Variants in AK4 observed in about 807,000 individuals in gnomAD.
The protein encoded by AK4 is adenylate kinase 4.
A neutral mutation model predicts 24.6 loss-of-function variants in AK4; 13 were observed. The ratio of observed to expected loss-of-function variants is 0.53; its 90% CI spans 0.34 to 0.84. The LOEUF is 0.84. Ranked by LOEUF, AK4 falls within the 40% of genes least tolerant of loss-of-function variation. AK4 has a pLI of 0.01. For synonymous variants in AK4, 88 were observed against 107.0 expected (o/e 0.82, Z 1.10); for missense variants, 192 against 288.2 (o/e 0.67, Z 2.42).
chr1:65,148,433 T>A lies in AK4; in HGVS notation c.26T>A (p.Val9Asp). 1 of 1,557,602 alleles carries A rather than the reference T, an allele frequency of 6.4e-7. No homozygotes were observed. Among genetic ancestry groups the A allele is most frequent in the Non-Finnish European group, 8.7e-7 (1 of 1,152,076 alleles). MASKLLRA[V>D]ILGPPGSGKG... Reference sequence around the variant, plus strand: ...ATGGCTTCCAAACTCCTGCGCGCGGTCATCCTCGGGCCGCCCGGCTCGGGC... The same window carrying A: ...ATGGCTTCCAAACTCCTGCGCGCGGACATCCTCGGGCCGCCCGGCTCGGGC... The change falls in exon 1 of 5, where the codon GTC becomes GAC. Residue 9 changes from valine (V) to aspartate (D), a missense_variant. By Grantham distance (152) the Val-to-Asp change is radical. Transcript: ENST00000327299.
At chr1:65,158,548 C>T (rs6656092) in intron 1 of AK4, among the ~76,000 whole-genome samples, 75,476 of 152,060 alleles carry the variant, frequency 0.5, 22,373 homozygotes, top group African/African-American at 0.83. Context: ...TTGCCCAGGC[C>T]GAAGTGCAGT....
intron 2 of AK4, among the ~76,000 whole-genome samples, chr1:65,216,242 C>T (rs974093809): frequency 1.3e-5 from 2 of 151,896 alleles, no homozygotes; most frequent in African/African-American, 4.8e-5. Flanking sequence ...AAGCAATTCT[C>T]GTACCTCAGC....
At chr1:65,167,526 C>A (rs1650371857) in intron 1 of AK4, among the ~76,000 whole-genome samples, 1 of 149,446 alleles carries the variant, frequency 6.7e-6, no homozygotes, top group Non-Finnish European at 1.5e-5. Context: ...GATCAAGGAT[C>A]TAGCTTGGAG....
intron 1 of AK4, among the ~76,000 whole-genome samples, chr1:65,155,185 T>C (rs746194539): frequency 8.5e-5 from 13 of 152,252 alleles, no homozygotes; most frequent in Admixed American, 4.6e-4. Context: ...CTTACAAATA[T>C]TCACTCAAGT....
At chr1:65,160,215 A>G (rs2100991425) in intron 1 of AK4, among the ~76,000 whole-genome samples, 1 of 152,294 alleles carries the variant, frequency 6.6e-6, no homozygotes, top group South Asian at 2.1e-4. Flanking sequence ...TGTGGCTATA[A>G]CAAAATACCT....
chr1:65,152,028 A>G (rs1464815068), intron 1 of AK4, among the ~76,000 whole-genome samples: 1 of 150,524 alleles, frequency 6.6e-6, no homozygotes, highest in Non-Finnish European at 1.5e-5. Flanking sequence ...ATGCACATGT[A>G]TGTATGAGTA....
intron 1 of AK4, among the ~76,000 whole-genome samples, chr1:65,180,716 CAA>C (rs1246831363): frequency 6.6e-6 from 1 of 152,198 alleles, no homozygotes; most frequent in Non-Finnish European, 1.5e-5. Context: ...AATATTCTTA[CAA>C]GTGGGGAGAT....
chr1:65,223,144 T>C (rs541488588), intron 3 of AK4, among the ~76,000 whole-genome samples: 231 of 152,090 alleles, frequency 1.5e-3, no homozygotes, highest in Non-Finnish European at 3.1e-3. Flanking sequence ...TCCTTAATTT[T>C]AGTGGTTAAG....
At chr1:65,171,878 G>T (rs1329753696) in intron 1 of AK4, among the ~76,000 whole-genome samples, 1 of 151,226 alleles carries the variant, frequency 6.6e-6, no homozygotes, top group Non-Finnish European at 1.5e-5. Context: ...GACCAGCCTG[G>T]CCAGTATGGT....
At chr1:65,189,676 C>G (rs1651228647) in intron 1 of AK4, among the ~76,000 whole-genome samples, 1 of 82,342 alleles carries the variant, frequency 1.2e-5, no homozygotes, top group African/African-American at 5.1e-5. Context: ...CACACACACA[C>G]ACCCCACACA....
At chr1:65,166,685 C>T (rs1039578758) in intron 1 of AK4, among the ~76,000 whole-genome samples, 2 of 152,106 alleles carry the variant, frequency 1.3e-5, no homozygotes, top group Non-Finnish European at 2.9e-5. Context: ...ACCACACCAC[C>T]AATTTTAAAG....
At chr1:65,184,315 G>A (rs1651015042) in intron 1 of AK4, among the ~76,000 whole-genome samples, 1 of 152,084 alleles carries the variant, frequency 6.6e-6, no homozygotes, top group Non-Finnish European at 1.5e-5. Context: ...TATATATAAT[G>A]TTTGGAATCT....
chr1:65,190,761 A>G lies in AK4; in HGVS notation c.197A>G (p.Asp66Gly). 5 of 1,614,136 alleles carry G rather than the reference A, an allele frequency of 3.1e-6. No individual in the cohort carries two copies. Among genetic ancestry groups the G allele is most frequent in the Non-Finnish European group, 4.2e-6 (5 of 1,180,014 alleles). Residue 66 changes from aspartate to glycine, a missense_variant, in exon 2 of 5, where the codon GAC becomes GGC. Coordinates refer to ENST00000327299, the MANE Select transcript of AK4 (RefSeq NM_013410.4). ...ATAGAGAAAAGTCTTTTGGTTCCAG[A>G]CCATGTGATCACACGCCTAATGATG... ...QYIEKSLLVP[D>G]HVITRLMMSE...
At chr1:65,223,399 G>C (rs937532245) in intron 3 of AK4, among the ~76,000 whole-genome samples, 1 of 151,888 alleles carries the variant, frequency 6.6e-6, no homozygotes, top group African/African-American at 2.4e-5. Flanking sequence ...ATGTTGGCCA[G>C]GCTGGTCTCA....
intron 2 of AK4, among the ~76,000 whole-genome samples, chr1:65,198,765 T>C (rs75603630): frequency 1.3e-5 from 2 of 148,840 alleles, no homozygotes; most frequent in Admixed American, 6.8e-5. Flanking sequence ...TTTTTTTTTT[T>C]CATCATCCAA....
At chr1:65,201,043 C>G (rs781655712) in intron 2 of AK4, among the ~76,000 whole-genome samples, 1 of 152,318 alleles carries the variant, frequency 6.6e-6, no homozygotes, top group Non-Finnish European at 1.5e-5. Flanking sequence ...CTGCCCACCT[C>G]GGCCTCCCAA....
intron 3 of AK4, among the ~76,000 whole-genome samples, chr1:65,221,365 C>T (rs1273797857): frequency 6.6e-6 from 1 of 152,148 alleles, no homozygotes; most frequent in Non-Finnish European, 1.5e-5. Flanking sequence ...GGCTTCCCAA[C>T]TCCTGGGTGC....
chr1:65,154,543 C>T (rs1359083212), intron 1 of AK4: 2 of 525,320 alleles, frequency 3.8e-6, no homozygotes, highest in African/African-American at 1.9e-5. Context: ...TCGCTCTTGT[C>T]GCGTCTGTTC....
At chr1:65,193,433 C>A (rs1366201532) in intron 2 of AK4, among the ~76,000 whole-genome samples, 1 of 152,204 alleles carries the variant, frequency 6.6e-6, no homozygotes, top group Non-Finnish European at 1.5e-5. Flanking sequence ...ATTGATAGCA[C>A]CTGGCTTCCT....
Sources: allele counts gnomAD v4.1 joint callset (sites outside exome capture counted in the v4.1 genomes callset), GRCh38; gene constraint gnomAD v4.1.1; transcripts MANE v1.5; gene names NCBI Gene and HGNC (gene_info 2026-07-23, HGNC 2026-07-21).